The following FNIP2 variants were observed in gnomAD, a reference collection of about 807,000 sequenced individuals.
FNIP2 encodes folliculin-interacting protein 2.
Under a neutral mutation model 108.7 loss-of-function variants are expected in FNIP2, and 32 were observed. That is an observed-to-expected ratio of 0.29 (90% CI 0.22 to 0.40). FNIP2 has a LOEUF of 0.40. Ranked by LOEUF, FNIP2 falls within the 10% of genes least tolerant of loss-of-function variation. FNIP2 has a pLI of 1.00. For synonymous variants in FNIP2, 480 were observed against 496.7 expected, an observed-to-expected ratio of 0.97 and a Z score of 0.45; for missense variants, 1,202 against 1,381.6, an observed-to-expected ratio of 0.87 and a Z score of 2.06.
chr4:158,833,776 C>T (rs1560787197), intron 6 of FNIP2, 148 bp downstream of exon 6: 3 of 1,513,470 alleles, frequency 2.0e-6, no homozygotes, highest in East Asian at 2.5e-5. Context: ...TTTGTTTGCC[C>T]TCTTCTATGT....
rs1729734521 is a variant in FNIP2, at chr4:158,905,294, C to CA, written c.*753dup. The CA allele has an allele frequency of 1.3e-5, 2 of 152,182 alleles. No individual in the cohort carries two copies. Among genetic ancestry groups the CA allele is most frequent in the Admixed American group, 1.3e-4 (2 of 15,280 alleles). The allele number at this position is 152,182 out of a possible 1,614,324, so 9.4% of individuals were successfully genotyped here. A position where few individuals can be genotyped will look rare whatever the true frequency, so the allele number is the denominator to read the frequency against. ...CCCATCAAGATGTAGTTTGTAGCAGCAAAGTGTACAGTCTGAAACCGTATG... is the reference window on the plus strand; with the variant it reads ...CCCATCAAGATGTAGTTTGTAGCAGCAAAAGTGTACAGTCTGAAACCGTATG... On this transcript the variant is annotated 3_prime_UTR_variant, in exon 17 of 17. Coordinates refer to ENST00000264433, the MANE Select transcript of FNIP2 (RefSeq NM_020840.3).
At chr4:158,818,294 C>A (rs544971810) in intron 1 of FNIP2, among the ~76,000 whole-genome samples, 1 of 152,338 alleles carries the variant, frequency 6.6e-6, no homozygotes, top group East Asian at 1.9e-4. Context: ...AAGTTCAGAG[C>A]TACAACTAAC....
intron 14 of FNIP2, among the ~76,000 whole-genome samples, chr4:158,879,931 A>G (rs943927951): frequency 1.3e-5 from 2 of 150,378 alleles, no homozygotes; most frequent in Non-Finnish European, 2.9e-5. Flanking sequence ...ATAATTAAAA[A>G]GTCAGGAAAC....
intron 14 of FNIP2, chr4:158,871,625 C>A (rs900786737): frequency 5.2e-5 from 51 of 985,248 alleles, no homozygotes; most frequent in Non-Finnish European, 6.1e-5. Flanking sequence ...GGAAAGCCAG[C>A]CCAGTGTACA....
At chr4:158,770,593 G>T (rs903142638) in intron 1 of FNIP2, among the ~76,000 whole-genome samples, 6 of 152,110 alleles carry the variant, frequency 3.9e-5, no homozygotes, top group African/African-American at 1.4e-4. Context: ...AAGGCATATT[G>T]TGAGGACCTT....
chr4:158,868,346 T>A lies in FNIP2; in HGVS notation c.1710T>A (p.Ile570=). Residue 570 remains isoleucine (I), a synonymous_variant, in exon 13 of 17, where the codon ATT becomes ATA. Coordinates refer to ENST00000264433, the MANE Select transcript of FNIP2 (RefSeq NM_020840.3). The surrounding 1 kb of genome is among the most constrained non-coding windows in gnomAD (Gnocchi z 4.6). The stretch of plus-strand genomic sequence containing the variant: ...TGGAGGAGTCTGAGTATGTGGTCAT[T>A]ACGGTGAGGAACGAGCCCGCTCTTG... The part of the protein sequence containing the change: ...GEVEESEYVV[I]TVRNEPALVP... 6.2e-7 allele frequency: 1 copy of A among 1,613,930 alleles called. No homozygotes were observed.
At chr4:158,849,548 G>C (rs1779582422) in intron 7 of FNIP2, among the ~76,000 whole-genome samples, 1 of 152,158 alleles carries the variant, frequency 6.6e-6, no homozygotes, top group Admixed American at 6.5e-5. Flanking sequence ...TAGAGATGTG[G>C]GAGGGGGCTT....
Position 158,895,761 on chromosome 4 carries a change from T to C in FNIP2, c.3162T>C (p.His1054=). 3.7e-6 allele frequency: 6 copies of C among 1,609,308 alleles called. No individual in the cohort carries two copies. The highest frequency in any genetic ancestry group is 5.1e-6 in the Non-Finnish European group (6 of 1,176,474). The part of the protein sequence containing the change: ...LHLPADFCIM[H]LEDRLQEMYL... ...TCTTGGCTTTGCAGTGCATCATGCA[T>C]CTTGAAGATAGACTACAGGAGATGT... Residue 1054 remains histidine, a synonymous_variant, in exon 16 of 17, where the codon CAT becomes CAC. Coordinates refer to ENST00000264433, the MANE Select transcript of FNIP2 (RefSeq NM_020840.3).
At chr4:158,825,832 C>A in intron 1 of FNIP2, 84 bp from the exon 2 acceptor site, 1 of 1,501,504 alleles carries the variant, frequency 6.7e-7, no homozygotes, top group Non-Finnish European at 9.1e-7. Context: ...TGCACACAGG[C>A]ATGGTGACTG....
At chr4:158,901,077 C>T (rs1434056037) in intron 16 of FNIP2, among the ~76,000 whole-genome samples, 1 of 149,792 alleles carries the variant, frequency 6.7e-6, no homozygotes, top group Non-Finnish European at 1.5e-5. Context: ...GATTTTATTT[C>T]TCCTTTGCTT....
intron 1 of FNIP2, among the ~76,000 whole-genome samples, chr4:158,791,597 A>G (rs903376696): frequency 6.6e-6 from 1 of 152,140 alleles, no homozygotes; most frequent in African/African-American, 2.4e-5. Flanking sequence ...TGAGAATCCT[A>G]AGAGAATTTT....
rs74902367 is a variant in FNIP2 at position 158,770,851 on chromosome 4, C to T, written c.107+1532C>T. Among the ~76,000 whole-genome samples the T allele has an allele frequency of 5.5e-3, 841 of 152,224 alleles. 4 individuals carry two copies. The highest frequency in any genetic ancestry group is 7.5e-3 in the Non-Finnish European group (511 of 68,018). On this transcript the variant is annotated intron_variant, in intron 1 of 16. Coordinates refer to ENST00000264433, the MANE Select transcript of FNIP2 (RefSeq NM_020840.3). ...GGTGTCTGTACTTTGACAGCTCTTG[C>T]CAAGGACATTTAAAGCCATTTGAAT...
Position 158,868,180 on chromosome 4 carries a change from A to G in FNIP2, c.1544A>G (p.Gln515Arg), listed in dbSNP as rs1443834885. 6.2e-7 allele frequency: 1 copy of G among 1,614,084 alleles called. No individual in the cohort carries two copies. Among genetic ancestry groups the G allele is most frequent in the East Asian group, 2.2e-5 (1 of 44,892 alleles). The change falls in exon 13 of 17, where the codon CAG becomes CGG. Residue 515 changes from glutamine to arginine, a missense_variant. Physicochemically the swap from Gln to Arg is conservative, Grantham distance 43. Coordinates refer to ENST00000264433, the MANE Select transcript of FNIP2 (RefSeq NM_020840.3). The surrounding 1 kb of genome is among the most constrained non-coding windows in gnomAD (Gnocchi z 4.6). Reference sequence around the variant, plus strand: ...GTAGGGAAGCAGAAGGACTTAGTCCAGCGAATACTTTATGTCCTGACCTAC... The same window carrying G: ...GTAGGGAAGCAGAAGGACTTAGTCCGGCGAATACTTTATGTCCTGACCTAC... ...VVVGKQKDLV[Q>R]RILYVLTYFL...
In FNIP2 at chr4:158,769,220, C is replaced by G. The variant is rs1294875718; in HGVS notation, c.8C>G (p.Pro3Arg). The G allele has an allele frequency of 2.0e-6, 3 of 1,479,334 alleles. No individual in the cohort carries two copies. Among genetic ancestry groups the G allele is most frequent in the East Asian group, 3.0e-5 (1 of 33,726 alleles). 91.6% of individuals were successfully genotyped at this position (1,479,334 alleles called of 1,614,324 possible). A position where few individuals can be genotyped will look rare whatever the true frequency, so the allele number is the denominator to read the frequency against. Residue 3 changes from proline to arginine, a missense_variant, in exon 1 of 17, where the codon CCG becomes CGG. By Grantham distance (103) the Pro-to-Arg change is moderately radical. Around this residue, in one of 5 missense-constraint regions of FNIP2, gnomAD observed 173 missense variants for 165.9 expected, o/e 1.04. Coordinates refer to ENST00000264433, the MANE Select transcript of FNIP2 (RefSeq NM_020840.3). The part of the protein sequence containing the change: MA[P>R]TLLQKLFNKR... The stretch of plus-strand genomic sequence containing the variant: ...AGCTGCGGCGGCGGCATCATGGCCC[C>G]GACCCTGCTCCAGAAGCTCTTCAAC...
chr4:158,837,914 C>T (rs186050475), intron 7 of FNIP2, among the ~76,000 whole-genome samples: 94 of 152,302 alleles, frequency 6.2e-4, no homozygotes, highest in African/African-American at 2.0e-3. Context: ...GCTCTCCCTG[C>T]TATCCTGGTA....
chr4:158,889,325 T>A (rs144612592), intron 14 of FNIP2, among the ~76,000 whole-genome samples: 41 of 152,372 alleles, frequency 2.7e-4, no homozygotes, highest in Middle Eastern at 3.4e-3. Context: ...CATGTAAATC[T>A]ACAGCCTTCT....
intron 1 of FNIP2, among the ~76,000 whole-genome samples, chr4:158,771,280 G>A (rs1308733749): frequency 6.6e-6 from 1 of 152,212 alleles, no homozygotes; most frequent in Non-Finnish European, 1.5e-5. Flanking sequence ...ATGTGAGCAA[G>A]GATGCTGGAC....
chr4:158,807,471 C>G (rs1194017804), intron 1 of FNIP2, among the ~76,000 whole-genome samples: 1 of 152,080 alleles, frequency 6.6e-6, no homozygotes, highest in Non-Finnish European at 1.5e-5. Flanking sequence ...CCTCTGTACT[C>G]CAGCCTGGGC....
chr4:158,845,203 T>C (rs945306631), intron 7 of FNIP2, among the ~76,000 whole-genome samples: 1 of 152,228 alleles, frequency 6.6e-6, no homozygotes, highest in African/African-American at 2.4e-5. Flanking sequence ...CTTTTGAAAC[T>C]GAAACTGAGC....
Sources: allele counts gnomAD v4.1 joint callset (sites outside exome capture counted in the v4.1 genomes callset), GRCh38; gene constraint gnomAD v4.1.1; regional missense constraint gnomAD v4.1.1; non-coding constraint Gnocchi (gnomAD v3.1); transcripts MANE v1.5; gene names NCBI Gene and HGNC (gene_info 2026-07-23, HGNC 2026-07-21).